The following PRUNE2 variants were observed in gnomAD, a reference collection of about 807,000 sequenced individuals.
PRUNE2 encodes protein prune homolog 2.
PRUNE2 carries 164 observed loss-of-function variants against 252.0 expected under a neutral mutation model. That is an observed-to-expected ratio of 0.65 (90% CI 0.57 to 0.74). The LOEUF (loss-of-function observed/expected upper bound fraction) is 0.74. PRUNE2 is among the 30% of genes least tolerant of loss of function. The probability of loss-of-function intolerance (pLI) is 0.00; values close to 1 mark genes in which losing one functional copy is unlikely to be tolerated. For synonymous variants in PRUNE2, 1,292 were observed against 1,350.2 expected, an observed-to-expected ratio of 0.96 and a Z score of 0.94; for missense variants, 3,495 against 3,711.0, an observed-to-expected ratio of 0.94 and a Z score of 1.51.
chr9:76,710,445 G>A lies in PRUNE2; in HGVS notation c.1829C>T (p.Pro610Leu). ...RLKNTGKRIP[P>L]TPMNSLVESS... ...TTCTACTAAACTATTCATGGGTGTT[G>A]GTGGGATCCTCTTTCCAGTATTTTT... The change falls in exon 8 of 19, where the codon CCA (proline) becomes CTA (leucine). Residue 610 changes from proline (P) to leucine (L), a missense_variant. Physicochemically the swap from Pro to Leu is moderately conservative, Grantham distance 98 (BLOSUM62 -3). Coordinates refer to ENST00000376718, the MANE Select transcript of PRUNE2 (RefSeq NM_015225.3). 6.2e-7 allele frequency: 1 copy of A among 1,613,980 alleles called. No homozygotes were observed. The highest frequency in any genetic ancestry group is 8.5e-7 in the Non-Finnish European group (1 of 1,179,888).
At chr9:76,878,275 T>C (rs1259910870) in intron 1 of PRUNE2, among the ~76,000 whole-genome samples, 1 of 152,188 alleles carries the variant, frequency 6.6e-6, no homozygotes, top group Non-Finnish European at 1.5e-5. Flanking sequence ...GAGTCCACTC[T>C]TAAAGCTCAT....
intron 1 of PRUNE2, among the ~76,000 whole-genome samples, chr9:76,886,034 A>T (rs1489173007): frequency 6.6e-6 from 1 of 151,996 alleles, no homozygotes; most frequent in African/African-American, 2.4e-5. Context: ...AAAAAAAAAA[A>T]AATTAGCTGG....
At chr9:76,765,179 A>G (rs1285471176) in intron 6 of PRUNE2, among the ~76,000 whole-genome samples, 1 of 152,162 alleles carries the variant, frequency 6.6e-6, no homozygotes, top group Admixed American at 6.6e-5. Context: ...ATGAGCTGGA[A>G]CCAAGCTGGG....
At chr9:76,756,950 A>G (rs897238225) in intron 6 of PRUNE2, among the ~76,000 whole-genome samples, 2 of 152,190 alleles carry the variant, frequency 1.3e-5, no homozygotes, top group African/African-American at 4.8e-5. Context: ...ATCTCCCAGA[A>G]TGTCACTGTT....
rs772814767 is a variant in PRUNE2 at position 76,705,774 on chromosome 9, ACAGTTG to A, written c.6494_6499del (p.Ala2165_Thr2166del). The stretch of plus-strand genomic sequence containing the variant: ...TGCTTGATAGCCAATTGGAGGCAGC[ACAGTTG>A]CGTTTTCAGAATCGAGTTCTGCATT... On this transcript the variant is annotated inframe_deletion, in exon 8 of 19. Transcript: ENST00000376718. 6.2e-7 allele frequency: 1 copy of A among 1,613,834 alleles called. No homozygotes were observed. The highest frequency in any genetic ancestry group is 8.5e-7 in the Non-Finnish European group (1 of 1,179,890).
intron 15 of PRUNE2, among the ~76,000 whole-genome samples, chr9:76,635,436 T>C (rs1273216577): frequency 1.3e-5 from 2 of 152,228 alleles, no homozygotes; most frequent in Non-Finnish European, 2.9e-5. Flanking sequence ...ACTTCGTTTT[T>C]TCAGTGGTTT....
intron 11 of PRUNE2, among the ~76,000 whole-genome samples, chr9:76,648,157 A>G (rs1338683206): frequency 6.6e-6 from 1 of 152,190 alleles, no homozygotes; most frequent in Non-Finnish European, 1.5e-5. Context: ...CCCAAATCCA[A>G]AACCCTGACA....
At chr9:76,735,039 G>A (rs1393978984) in intron 6 of PRUNE2, among the ~76,000 whole-genome samples, 3 of 152,266 alleles carry the variant, frequency 2.0e-5, no homozygotes, top group Admixed American at 6.5e-5. Context: ...CCATCCTGGG[G>A]AGTCATGGAG....
chr9:76,852,347 A>C (rs1414188207), intron 2 of PRUNE2, among the ~76,000 whole-genome samples: 1 of 152,258 alleles, frequency 6.6e-6, no homozygotes, highest in Non-Finnish European at 1.5e-5. Flanking sequence ...GTGGGGAAGA[A>C]TCAATATGTA....
intron 9 of PRUNE2, 101 bp from the exon 10 acceptor site, chr9:76,655,603 A>C: frequency 1.2e-6 from 1 of 856,682 alleles, no homozygotes; most frequent in Admixed American, 2.0e-5. Flanking sequence ...TTTTCAACTC[A>C]CTTAAAATAA....
At chr9:76,717,864 G>A (rs867794021) in intron 6 of PRUNE2, among the ~76,000 whole-genome samples, 6 of 152,184 alleles carry the variant, frequency 3.9e-5, no homozygotes, top group African/African-American at 4.8e-5. Flanking sequence ...TCGTGATTCC[G>A]AAGGGTCGAT....
chr9:76,847,101 C>T (rs980525766), intron 3 of PRUNE2, among the ~76,000 whole-genome samples: 2 of 152,162 alleles, frequency 1.3e-5, no homozygotes, highest in Admixed American at 6.5e-5. Flanking sequence ...CCGAAGCAGG[C>T]GAATCATGAG....
intron 1 of PRUNE2, among the ~76,000 whole-genome samples, chr9:76,870,114 A>G (rs1054402795): frequency 2.6e-5 from 4 of 152,198 alleles, no homozygotes; most frequent in Non-Finnish European, 5.9e-5. Flanking sequence ...ATACATATCC[A>G]GAGATTAACA....
Position 76,690,341 on chromosome 9 carries a change from T to C in PRUNE2, c.8276+12996A>G, listed in dbSNP as rs117846579. ...GCCTCTGCCTGCAAAATCTTGACAA[T>C]AGCAAACAGAGGGCAAGCAATTCCA... On this transcript the variant is annotated intron_variant, in intron 9 of 18. Coordinates refer to ENST00000376718, the MANE Select transcript of PRUNE2 (RefSeq NM_015225.3). 4.2e-4 allele frequency among the ~76,000 whole-genome samples: 64 copies of C among 152,240 alleles called. No individual in the cohort carries two copies. The East Asian group carries it at 0.012, about 28-fold the overall frequency.
rs1473784504 is a variant in PRUNE2, at chr9:76,724,194, C to T, written c.757-10473G>A. Among the ~76,000 whole-genome samples the T allele has an allele frequency of 2.7e-5, 4 of 146,868 alleles. No homozygotes were observed. In the East Asian group the frequency reaches 6.2e-4, roughly 23 times the overall value. ...TGAAATCAGGCTGGGTGCGGTGGCT[C>T]ATGCTTATAATCGCAGCACTTTGGG... On this transcript the variant is annotated intron_variant, in intron 6 of 18. Transcript: ENST00000376718.
At chr9:76,704,121 G>T (rs970236419) in intron 8 of PRUNE2, 22 bp from the exon 9 acceptor site, 2 of 1,534,486 alleles carry the variant, frequency 1.3e-6, no homozygotes, top group Non-Finnish European at 1.8e-6. Flanking sequence ...AGTTGAAAGT[G>T]AGAAGAGGAG....
intron 4 of PRUNE2, among the ~76,000 whole-genome samples, chr9:76,836,432 A>C (rs2058980258): frequency 6.6e-6 from 1 of 151,272 alleles, no homozygotes; most frequent in Non-Finnish European, 1.5e-5. Flanking sequence ...GAAGAGAAAG[A>C]AAGCAAAGAA....
At chr9:76,845,955 G>A (rs1242977051) in intron 4 of PRUNE2, among the ~76,000 whole-genome samples, 1 of 152,208 alleles carries the variant, frequency 6.6e-6, no homozygotes, top group East Asian at 1.9e-4. Context: ...TAGAGTAACT[G>A]ATGATGGTGT....
rs774446696 is a variant in PRUNE2 at position 76,710,352 on chromosome 9, G to C, written c.1922C>G (p.Thr641Arg). 6.2e-7 allele frequency: 1 copy of C among 1,614,024 alleles called. No individual in the cohort carries two copies. Among genetic ancestry groups the C allele is most frequent in the Non-Finnish European group, 8.5e-7 (1 of 1,179,892 alleles). ...TEDMTQKATD[T>R]GHMGPPQTHA... is the part of the protein sequence containing the mutation. ...GGTCTGAGGTGGCCCCATGTGACCT[G>C]TGTCAGTTGCTTTTTGGGTCATATC... The change falls in exon 8 of 19, where the codon ACA becomes AGA. Residue 641 changes from threonine to arginine, a missense_variant. Transcript: ENST00000376718.
Sources: gnomAD v4.1 joint callset for allele counts (sites outside exome capture counted in the v4.1 genomes callset) on GRCh38, gnomAD v4.1.1 for gene constraint, MANE v1.5 for transcripts, NCBI Gene and HGNC (gene_info 2026-07-23, HGNC 2026-07-21) for gene names.